The following CFAP70 variants were observed in gnomAD, a reference collection of about 807,000 sequenced individuals.
The protein encoded by CFAP70 is cilia- and flagella-associated protein 70.
Under a neutral mutation model 137.6 loss-of-function variants are expected in CFAP70, and 81 were observed. The ratio of observed to expected loss-of-function variants is 0.59; its 90% CI spans 0.49 to 0.71. The LOEUF (loss-of-function observed/expected upper bound fraction) is 0.71. Among genes scored for constraint, CFAP70 ranks in the 30% least tolerant of loss-of-function variants. The pLI is 0.00. For synonymous variants in CFAP70, 382 were observed against 423.6 expected, an observed-to-expected ratio of 0.90 and a Z score of 1.20; for missense variants, 976 against 1,226.7, an observed-to-expected ratio of 0.80 and a Z score of 3.05.
At chr10:73,345,089 A>C (rs138329259) in exon 5 of CFAP70, 1 of 1,614,116 alleles carries the variant, frequency 6.2e-7, no homozygotes, top group Non-Finnish European at 8.5e-7. Context: ...GAACTTGCAG[A>C]CCGACCATGT....
chr10:73,338,980 C>G (rs1192491813), intron 6 of CFAP70, among the ~76,000 whole-genome samples: 1 of 150,770 alleles, frequency 6.6e-6, no homozygotes, highest in South Asian at 2.1e-4. Context: ...AGTGCAGTGA[C>G]ACAATCCTGA....
chr10:73,333,016 A>G (rs569185884), intron 7 of CFAP70, among the ~76,000 whole-genome samples: 1 of 152,344 alleles, frequency 6.6e-6, no homozygotes, highest in East Asian at 1.9e-4. Flanking sequence ...AGACTCTTAC[A>G]GAAAAAGTAG....
intron 13 of CFAP70, 130 bp downstream of exon 14, chr10:73,299,475 A>G: frequency 1.4e-6 from 1 of 721,070 alleles, no homozygotes; most frequent in Non-Finnish European, 2.4e-6. Context: ...GGAACCAGCA[A>G]TGAAAATACG....
chr10:73,357,635 C>T (rs1253794887), intron 1 of CFAP70, among the ~76,000 whole-genome samples: 1 of 152,222 alleles, frequency 6.6e-6, no homozygotes, highest in Non-Finnish European at 1.5e-5. Context: ...AAATGTAGTA[C>T]TACATTCAGG....
intron 15 of CFAP70, chr10:73,295,536 T>C (rs2048487785): frequency 1.3e-5 from 2 of 152,182 alleles, no homozygotes; most frequent in African/African-American, 4.8e-5. Flanking sequence ...AATCCCCCCA[T>C]TAGCCCAATA....
At chr10:73,253,991 C>G in exon 27 of CFAP70, 1 of 1,604,816 alleles carries the variant, frequency 6.2e-7, no homozygotes, top group Non-Finnish European at 8.5e-7. Flanking sequence ...AGATGGATTT[C>G]CAAAGCCAAC....
rs775262883 is a variant in CFAP70 at position 73,275,427 on chromosome 10, C to A, written c.2673+19G>T. Reference sequence around the variant, plus strand: ...AAGCCCCTTCTCCAGACTCAAGAGGCTTTAGCAAAAGTCATTACCAGGTAG... The same window carrying A: ...AAGCCCCTTCTCCAGACTCAAGAGGATTTAGCAAAAGTCATTACCAGGTAG... On this transcript the variant is annotated intron_variant, in intron 22 of 26. Transcript: ENST00000310715. The surrounding 1 kb of genome is among the most constrained non-coding windows in gnomAD (Gnocchi z 4.0). 3 of 1,574,208 alleles carry A rather than the reference C, an allele frequency of 1.9e-6. No individual in the cohort carries two copies. The highest frequency in any genetic ancestry group is 2.6e-6 in the Non-Finnish European group (3 of 1,162,818).
chr10:73,326,661 A>C (rs575773652), intron 8 of CFAP70, among the ~76,000 whole-genome samples: 34 of 152,260 alleles, frequency 2.2e-4, no homozygotes, highest in African/African-American at 7.5e-4. Flanking sequence ...GGATATCACC[A>C]CCGATCCCAC....
chr10:73,316,574 A>G (rs2050405427), intron 9 of CFAP70, among the ~76,000 whole-genome samples: 1 of 149,468 alleles, frequency 6.7e-6, no homozygotes. Context: ...ATATATGTGC[A>G]TATGTGTATG....
intron 24 of CFAP70, among the ~76,000 whole-genome samples, chr10:73,270,473 CTT>C (rs1298639428): frequency 1.1e-5 from 1 of 89,946 alleles, no homozygotes; most frequent in African/African-American, 4.5e-5. Context: ...TTTCTTTTCT[CTT>C]TTCTTTTCCT....
chr10:73,274,267 G>A (rs2046530599), intron 23 of CFAP70, among the ~76,000 whole-genome samples, 166 bp downstream of exon 24: 1 of 152,176 alleles, frequency 6.6e-6, no homozygotes, highest in South Asian at 2.1e-4. Flanking sequence ...TTTGAATGCT[G>A]CTTCCACTAA....
chr10:73,353,675 T>C, exon 3 of CFAP70: 2 of 1,614,064 alleles, frequency 1.2e-6, no homozygotes, highest in Non-Finnish European at 1.7e-6. Flanking sequence ...TTTTGCAGAG[T>C]CTCCCAGAAC....
chr10:73,310,311 A>G, intron 11 of CFAP70, 62 bp from the exon 13 acceptor site: 1 of 1,135,538 alleles, frequency 8.8e-7, no homozygotes, highest in Non-Finnish European at 1.3e-6. Flanking sequence ...AAATTTAGTA[A>G]CATAAGATGA....
At chr10:73,326,340 T>C (rs1459759899) in intron 8 of CFAP70, among the ~76,000 whole-genome samples, 1 of 146,546 alleles carries the variant, frequency 6.8e-6, no homozygotes. Flanking sequence ...CAAAGCAGTG[T>C]GTAGAGGGAA....
chr10:73,306,696 T>C (rs2049409197), intron 12 of CFAP70, among the ~76,000 whole-genome samples: 2 of 152,138 alleles, frequency 1.3e-5, no homozygotes, highest in South Asian at 4.1e-4. Flanking sequence ...AGTGGGACTA[T>C]GTCTCTACAA....
chr10:73,289,476 G>C (rs1054718019), intron 19 of CFAP70, among the ~76,000 whole-genome samples: 2 of 151,792 alleles, frequency 1.3e-5, no homozygotes, highest in Admixed American at 1.3e-4. Context: ...GGTAGAGACA[G>C]GGTTTCACCA....
intron 15 of CFAP70, chr10:73,295,376 G>A (rs1046935837): frequency 2.4e-4 from 35 of 146,880 alleles, no homozygotes; most frequent in African/African-American, 8.6e-4. Context: ...AGGGAGGAAG[G>A]GAGGAAGGGA....
At chr10:73,265,745 T>C (rs1564750208) in intron 25 of CFAP70, among the ~76,000 whole-genome samples, 1 of 152,230 alleles carries the variant, frequency 6.6e-6, no homozygotes, top group Non-Finnish European at 1.5e-5. Flanking sequence ...TCTATTTCTG[T>C]CTGCCAATTG....
chr10:73,273,099 A>G, intron 23 of CFAP70, 82 bp from the exon 25 acceptor site: 1 of 1,034,340 alleles, frequency 9.7e-7, no homozygotes, highest in South Asian at 1.4e-5. Flanking sequence ...GATCTCTGAT[A>G]ATTGCTCTCC....
Sources: allele counts gnomAD v4.1 joint callset (sites outside exome capture counted in the v4.1 genomes callset), GRCh38; gene constraint gnomAD v4.1.1; non-coding constraint Gnocchi (gnomAD v3.1); transcripts MANE v1.5; gene names NCBI Gene and HGNC (gene_info 2026-07-23, HGNC 2026-07-21).